Variants in ETV7 observed in about 807,000 individuals in gnomAD.
ETV7 encodes the protein transcription factor ETV7.
In ETV7, 43 loss-of-function variants were observed where a neutral mutation model predicts 39.1. The ratio of observed to expected loss-of-function variants is 1.10; its 90% CI spans 0.86 to 1.42. ETV7 has a LOEUF of 1.42. Among genes scored for constraint, ETV7 ranks in the 40% most tolerant of loss-of-function variants. The pLI, the probability that ETV7 is intolerant of heterozygous loss-of-function variation, is 0.00. For missense variants in ETV7, 432 were observed against 442.3 expected (o/e 0.98, Z 0.21); for synonymous variants, 196 against 176.6 (o/e 1.11, Z -0.87).
chr6:36,380,577 C>T (rs1773602409), intron 2 of ETV7, among the ~76,000 whole-genome samples: 2 of 152,102 alleles, frequency 1.3e-5, no homozygotes, highest in Non-Finnish European at 2.9e-5. Context: ...TACCTCCTCC[C>T]AGAGCAGGGC....
chr6:36,366,950 T>G lies in ETV7; in HGVS notation c.833A>C (p.Lys278Thr), dbSNP rs752881605. The G allele has an allele frequency of 6.2e-7, 1 of 1,613,946 alleles. No homozygotes were observed. Among genetic ancestry groups the G allele is most frequent in the Non-Finnish European group, 8.5e-7 (1 of 1,179,954 alleles). ...ATAGTGGCGCAGGGCACGAGACATCTTCTCGTAGGTCATGTTCACCCGGTT... is the reference window on the plus strand; with the variant it reads ...ATAGTGGCGCAGGGCACGAGACATCGTCTCGTAGGTCATGTTCACCCGGTT... ...HKNRVNMTYE[K>T]MSRALRHYYK... Residue 278 changes from lysine to threonine, a missense_variant, in exon 7 of 8, where the codon AAG becomes ACG. Physicochemically the swap from Lys to Thr is moderately conservative, Grantham distance 78. Coordinates refer to ENST00000340181, the MANE Select transcript of ETV7 (RefSeq NM_016135.4).
intron 7 of ETV7, among the ~76,000 whole-genome samples, chr6:36,356,320 T>A (rs1772335596): frequency 2.1e-5 from 2 of 96,330 alleles, no homozygotes; most frequent in African/African-American, 9.8e-5. Context: ...TGAGACCCTG[T>A]CTCAAAAAAA....
chr6:36,387,492 G>A (rs201168407), intron 1 of ETV7, 44 bp downstream of exon 1: 1 of 1,613,858 alleles, frequency 6.2e-7, no homozygotes, highest in South Asian at 1.1e-5. Context: ...GCGGGAGCAG[G>A]TGGCTCTGCG....
At chr6:36,362,381 T>C (rs1772521999), downstream of ETV7, among the ~76,000 whole-genome samples, 1 of 152,074 alleles carries the variant, frequency 6.6e-6, no homozygotes, top group Non-Finnish European at 1.5e-5. Context: ...GAGAATCACT[T>C]GAACCCAGGA....
At position 36,387,575 on chromosome 6, in the gene ETV7, G is replaced by T; in HGVS notation, c.-34C>A. 6.2e-7 allele frequency: 1 copy of T among 1,613,636 alleles called. No individual in the cohort carries two copies. ...GAGGTGAGGAAGCCACCGGCTTTCTGTCTTGAGCGCTCCCCTGGCTGTGGC... is the reference window on the plus strand; with the variant it reads ...GAGGTGAGGAAGCCACCGGCTTTCTTTCTTGAGCGCTCCCCTGGCTGTGGC... On this transcript the variant is annotated 5_prime_UTR_variant, in exon 1 of 8. Coordinates refer to ENST00000340181, the MANE Select transcript of ETV7 (RefSeq NM_016135.4).
chr6:36,361,191 C>G (rs1772479351), intron 7 of ETV7, among the ~76,000 whole-genome samples: 1 of 152,240 alleles, frequency 6.6e-6, no homozygotes, highest in Admixed American at 6.5e-5. Context: ...ACTCCTCACT[C>G]AAGTTCTGGG....
At chr6:36,381,729 G>T (rs942335050) in intron 2 of ETV7, among the ~76,000 whole-genome samples, 1 of 152,142 alleles carries the variant, frequency 6.6e-6, no homozygotes, top group East Asian at 1.9e-4. Context: ...CCACACTGTG[G>T]GGGCAGGGCC....
chr6:36,387,669 G>C lies in ETV7; in HGVS notation c.-128C>G. 9.2e-7 allele frequency: 1 copy of C among 1,081,418 alleles called. No individual in the cohort carries two copies. The highest frequency in any genetic ancestry group is 1.4e-6 in the Non-Finnish European group (1 of 734,030). The allele number at this position is 1,081,418 out of a possible 1,614,324, so 67.0% of individuals were successfully genotyped here. On this transcript the variant is annotated 5_prime_UTR_variant, in exon 1 of 8. Coordinates refer to ENST00000340181, the MANE Select transcript of ETV7 (RefSeq NM_016135.4). ...ACCCCTAACCTGGCTCCGAGAACTG[G>C]AAGGTCGCGTGGGAGGAAATCTCTT...
chr6:36,363,365 G>T (rs76241301), downstream of ETV7, among the ~76,000 whole-genome samples: 9 of 147,740 alleles, frequency 6.1e-5, no homozygotes, highest in South Asian at 4.6e-4. Context: ...CGCGTCTGGA[G>T]TCGTTCGTTC....
chr6:36,365,010 A>G (rs1361331626), downstream of ETV7, among the ~76,000 whole-genome samples: 3 of 152,172 alleles, frequency 2.0e-5, no homozygotes, highest in African/African-American at 7.2e-5. Context: ...TTGAGCCCCA[A>G]AGTCCAAGAG....
intron 2 of ETV7, 144 bp downstream of exon 2, chr6:36,385,390 C>T: frequency 1.0e-6 from 1 of 965,028 alleles, no homozygotes; most frequent in South Asian, 1.5e-5. Context: ...TACTTGAACC[C>T]AGGAGCTGGA....
rs893721942 is a variant in ETV7, at chr6:36,354,758, G to C, written c.909-71C>G. ...TTGAATATGTAGACCAATTTAGGGAGTATTGCCATCTTAACAATCCAGGAA... is the reference window on the plus strand; with the variant it reads ...TTGAATATGTAGACCAATTTAGGGACTATTGCCATCTTAACAATCCAGGAA... On this transcript the variant is annotated intron_variant, in intron 7 of 7. Transcript: ENST00000339796. The C allele has an allele frequency of 9.1e-6, 6 of 660,852 alleles. No individual in the cohort carries two copies. The African/African-American group carries it at 9.2e-5, about 10-fold the overall frequency. 40.9% of individuals were successfully genotyped at this position (660,852 alleles called of 1,614,324 possible). A position where few individuals can be genotyped will look rare whatever the true frequency, so the allele number is the denominator to read the frequency against.
intron 2 of ETV7, among the ~76,000 whole-genome samples, chr6:36,379,425 C>T (rs755677027): frequency 6.6e-6 from 1 of 151,848 alleles, no homozygotes; most frequent in Non-Finnish European, 1.5e-5. Context: ...GTGGTGCATG[C>T]TTATAGTCTC....
At chr6:36,362,477 A>T (rs1444550564), downstream of ETV7, among the ~76,000 whole-genome samples, 1 of 150,872 alleles carries the variant, frequency 6.6e-6, no homozygotes, top group African/African-American at 2.5e-5. Context: ...ATTTGTGAGA[A>T]GTTCACTTTG....
chr6:36,365,619 G>A (rs1038014609), downstream of ETV7, among the ~76,000 whole-genome samples: 3 of 152,104 alleles, frequency 2.0e-5, no homozygotes, highest in East Asian at 1.9e-4. Context: ...GAGGATGAGG[G>A]GGCTGGGCCA....
At chr6:36,355,661 C>A (rs1255653654) in intron 7 of ETV7, among the ~76,000 whole-genome samples, 1 of 152,272 alleles carries the variant, frequency 6.6e-6, no homozygotes, top group Non-Finnish European at 1.5e-5. Context: ...TATCTGCCCA[C>A]CTTGGCTTCC....
chr6:36,354,653 T>C (rs1166999662), exon 8 of ETV7: 1 of 698,196 alleles, frequency 1.4e-6, no homozygotes, highest in Non-Finnish European at 2.6e-6. Context: ...CACTGGAAAC[T>C]CCATATGAAT....
chr6:36,371,434 TCCTTGCCAGGGGTCCA>T lies in ETV7; in HGVS notation c.544_559del (p.Trp182ArgfsTer86). The T allele has an allele frequency of 6.2e-7, 1 of 1,601,480 alleles. No homozygotes were observed. The highest frequency in any genetic ancestry group is 8.5e-7 in the Non-Finnish European group (1 of 1,173,456). On this transcript the variant is annotated frameshift_variant, in exon 5 of 8. Transcript: ENST00000340181. LOFTEE classifies it high-confidence loss of function. ...ACAGTGACATAAGTTGAGGGACTCC[TCCTTGCCAGGGGTCCA>T]CCTTGCCAGGCCAGGGTCATCCAGG...
intron 7 of ETV7, among the ~76,000 whole-genome samples, chr6:36,357,061 C>T (rs1268617106): frequency 1.3e-5 from 2 of 152,138 alleles, no homozygotes; most frequent in East Asian, 3.9e-4. Context: ...CAAATTATCT[C>T]TTTTTTTTGG....
Sources: allele counts gnomAD v4.1 joint callset (sites outside exome capture counted in the v4.1 genomes callset), GRCh38; gene constraint gnomAD v4.1.1; transcripts MANE v1.5; gene names NCBI Gene and HGNC (gene_info 2026-07-23, HGNC 2026-07-21).